The following P2RX7 variants were observed in gnomAD, a reference collection of about 807,000 sequenced individuals.
P2RX7 encodes the protein purinergic receptor P2X 7, also known as P2X purinoceptor 7.
In P2RX7, 62 loss-of-function variants were observed where a neutral mutation model predicts 71.6. The ratio of observed to expected loss-of-function variants is 0.87; its 90% CI spans 0.71 to 1.07. The LOEUF is 1.07. Among genes scored for constraint, P2RX7 ranks in the 50% least tolerant of loss-of-function variants. The probability of loss-of-function intolerance (pLI) is 0.00; values close to 1 mark genes in which losing one functional copy is unlikely to be tolerated. For missense variants in P2RX7, 686 were observed against 748.5 expected, an observed-to-expected ratio of 0.92 and a Z score of 0.97; for synonymous variants, 299 against 283.3, an observed-to-expected ratio of 1.06 and a Z score of -0.56.
chr12:121,160,818 C>T (rs1879518606), intron 3 of P2RX7, 84 bp from the exon 4 acceptor site: 4 of 1,140,984 alleles, frequency 3.5e-6, no homozygotes, highest in Non-Finnish European at 5.3e-6. Context: ...TTCGTGTGCA[C>T]ATTCTGGTGG....
chr12:121,143,081 C>CAAAA lies in P2RX7; in HGVS notation c.125+9997_125+10000dup, dbSNP rs76972263. Among the ~76,000 whole-genome samples the CAAAA allele has an allele frequency of 4.4e-3, 540 of 123,526 alleles. 5 individuals are homozygous for CAAAA. Among genetic ancestry groups the CAAAA allele is most frequent in the African/African-American group, 0.013 (421 of 33,498 alleles). The allele number at this position is 123,526 out of a possible 152,430, so 81.0% of individuals were successfully genotyped here. On this transcript the variant is annotated intron_variant, in intron 1 of 12. Transcript: ENST00000328963. ...TGGGGGACAGAGTGAGACTTCATCTCAAAAAAAAAAAAAAGATGACTGGGC... is the reference window on the plus strand; with the variant it reads ...TGGGGGACAGAGTGAGACTTCATCTCAAAAAAAAAAAAAAAAAAGATGACTGGGC...
intron 11 of P2RX7, among the ~76,000 whole-genome samples, chr12:121,179,719 C>A (rs996874799): frequency 7.9e-5 from 12 of 152,260 alleles, no homozygotes; most frequent in African/African-American, 2.2e-4. Context: ...TGCAATAGTA[C>A]AAATTTCTGG....
intron 12 of P2RX7, among the ~76,000 whole-genome samples, chr12:121,182,519 C>T (rs890458983): frequency 2.0e-5 from 3 of 152,196 alleles, no homozygotes; most frequent in African/African-American, 7.2e-5. Context: ...CAGCATGTTA[C>T]TGTACTGAAT....
chr12:121,150,003 G>A (rs140055277), intron 1 of P2RX7, among the ~76,000 whole-genome samples: 18 of 152,258 alleles, frequency 1.2e-4, no homozygotes, highest in African/African-American at 3.9e-4. Flanking sequence ...TCATGGGGAT[G>A]GGGAAGGCTG....
In P2RX7 at chr12:121,185,622, T is replaced by C. The variant is rs1232330998; in HGVS notation, c.*820T>C. 6.6e-6 allele frequency: 1 copy of C among 152,644 alleles called. No individual in the cohort carries two copies. The highest frequency in any genetic ancestry group is 1.5e-5 in the Non-Finnish European group (1 of 68,040). 9.5% of individuals were successfully genotyped at this position (152,644 alleles called of 1,614,324 possible). On this transcript the variant is annotated 3_prime_UTR_variant, in exon 13 of 13. Transcript: ENST00000328963. ...AAGGGTTTTATCTCCTCCCCTTGAA[T>C]ATGGGTGGCTCTGATTGCTTTATCC...
chr12:121,166,338 C>A (rs1881018210), intron 7 of P2RX7, 151 bp downstream of exon 7: 1 of 769,436 alleles, frequency 1.3e-6, no homozygotes, highest in Non-Finnish European at 2.1e-6. Flanking sequence ...AAGGACTTTA[C>A]CTACCATACC....
Position 121,154,950 on chromosome 12 carries a change from G to A in P2RX7, c.291G>A (p.Leu97=), listed in dbSNP as rs751355725. 4 of 1,614,152 alleles carry A rather than the reference G, an allele frequency of 2.5e-6. No homozygotes were observed. The Admixed American group carries it at 6.7e-5, about 27-fold the overall frequency. ...ACACCGCAGACTACACCTTCCCTTT[G>A]CAGGTGAGCACCTCGTAGCATTCTC... ...VFDTADYTFP[L]QGNSFFVMTN... is the part of the protein sequence containing the mutation. The change falls in exon 2 of 13, where the codon TTG becomes TTA. Residue 97 remains leucine (L), a synonymous_variant. Coordinates refer to ENST00000328963, the MANE Select transcript of P2RX7 (RefSeq NM_002562.6). The surrounding 1 kb of genome is among the most constrained non-coding windows in gnomAD (Gnocchi z 4.2).
At chr12:121,143,540 T>A (rs1875464089) in intron 1 of P2RX7, among the ~76,000 whole-genome samples, 2 of 145,484 alleles carry the variant, frequency 1.4e-5, no homozygotes, top group African/African-American at 5.1e-5. Flanking sequence ...GGCGACAGAG[T>A]GAGACCCTAT....
chr12:121,132,949 C>T lies in P2RX7; in HGVS notation c.-22C>T, dbSNP rs765891859. 33 of 1,613,120 alleles carry T rather than the reference C, an allele frequency of 2.0e-5. No individual in the cohort carries two copies. The highest frequency in any genetic ancestry group is 1.5e-4 in the South Asian group (14 of 91,074). On this transcript the variant is annotated 5_prime_UTR_variant, in exon 1 of 13. Transcript: ENST00000328963. ...AGAGTAGAGCTCTGGTCCAGCTCCGCGCAGGGAGGGAGGCTGTCACCATGC... is the reference window on the plus strand; with the variant it reads ...AGAGTAGAGCTCTGGTCCAGCTCCGTGCAGGGAGGGAGGCTGTCACCATGC...
intron 8 of P2RX7, among the ~76,000 whole-genome samples, chr12:121,172,595 C>T (rs1326829556): frequency 2.6e-5 from 4 of 152,216 alleles, no homozygotes; most frequent in African/African-American, 4.8e-5. Context: ...CAAGCCACTG[C>T]ACTCCAGCCT....
At chr12:121,138,745 C>T (rs763812058) in intron 1 of P2RX7, among the ~76,000 whole-genome samples, 1 of 152,222 alleles carries the variant, frequency 6.6e-6, no homozygotes, top group Non-Finnish European at 1.5e-5. Flanking sequence ...TGTGGAGACT[C>T]CATCAGCAAT....
chr12:121,142,307 A>G lies in P2RX7; in HGVS notation c.125+9212A>G, dbSNP rs139431200. Among the ~76,000 whole-genome samples the G allele has an allele frequency of 6.1e-3, 924 of 152,242 alleles. 6 individuals carry two copies. Among genetic ancestry groups the G allele is most frequent in the African/African-American group, 0.021 (869 of 41,534 alleles). ...AAATTCAATCCCTTGAGGCTGCAGG[A>G]CTGGGCTCTGCTCCTCACTGGCTGT... On this transcript the variant is annotated intron_variant, in intron 1 of 12. Transcript: ENST00000328963.
Position 121,184,684 on chromosome 12 carries a change from G to T in P2RX7, c.1670G>T (p.Arg557Leu). 6.3e-7 allele frequency: 1 copy of T among 1,577,220 alleles called. No homozygotes were observed. The highest frequency in any genetic ancestry group is 2.4e-5 in the East Asian group (1 of 42,400). The change falls in exon 13 of 13, where the codon CGC (arginine) becomes CTC (leucine). Residue 557 changes from arginine to leucine, a missense_variant. Transcript: ENST00000328963. ...GCCTACAGGTGCTACGCCACCTGGC[G>T]CTTCGGCTCCCAGGACATGGCTGAC... ...HCAYRCYATW[R>L]FGSQDMADFA...
chr12:121,148,881 G>A, intron 1 of P2RX7: 1 of 332,812 alleles, frequency 3.0e-6, no homozygotes, highest in Non-Finnish European at 5.9e-6. Context: ...CACAGTCCTG[G>A]CGCTACTGTT....
rs151162027 is a variant in P2RX7, at chr12:121,159,612, C to T, written c.364-1290C>T. On this transcript the variant is annotated intron_variant, in intron 3 of 12. Transcript: ENST00000328963. ...TGCACAGATGACAAAGAGCAGAGGC[C>T]ATTTTCACACCTATGTCATGTTCTG... 2.3e-3 allele frequency among the ~76,000 whole-genome samples: 355 copies of T among 152,154 alleles called. 2 individuals carry two copies. Among genetic ancestry groups the T allele is most frequent in the African/African-American group, 8.0e-3 (331 of 41,506 alleles).
intron 1 of P2RX7, among the ~76,000 whole-genome samples, chr12:121,144,393 T>C (rs1875688632): frequency 6.6e-6 from 1 of 152,216 alleles, no homozygotes; most frequent in Admixed American, 6.5e-5. Context: ...AGATGGGGTC[T>C]CACCATGTTG....
chr12:121,137,500 T>C (rs11065448), intron 1 of P2RX7, among the ~76,000 whole-genome samples: 1 of 152,362 alleles, frequency 6.6e-6, no homozygotes, highest in East Asian at 1.9e-4. Flanking sequence ...ATAACCTTCA[T>C]ATAAAAGTTT....
Position 121,167,585 on chromosome 12 carries a change from A to G in P2RX7, c.842A>G (p.Lys281Arg), listed in dbSNP as rs1341720485. 6.2e-7 allele frequency: 1 copy of G among 1,610,976 alleles called. No homozygotes were observed. Among genetic ancestry groups the G allele is most frequent in the African/African-American group, 1.3e-5 (1 of 74,752 alleles). ...PKYSFRRLDD[K>R]TTNVSLYPGY... ...TACAGTTTCCGTCGCCTTGACGACA[A>G]GACCACCAACGTGTCCTTGTACCCT... Residue 281 changes from lysine to arginine, a missense_variant, in exon 8 of 13, where the codon AAG (lysine) becomes AGG (arginine). Transcript: ENST00000328963.
At chr12:121,168,265 C>CTTTTCTTTTCTTTTCTTTTT in intron 8 of P2RX7, among the ~76,000 whole-genome samples, 1 of 148,188 alleles carries the variant, frequency 6.7e-6, no homozygotes, top group African/African-American at 2.5e-5. Context: ...GCAGTGTTTT[C>CTTTTCTTTTCTTTTCTTTTT]TTTTCTTTTC....
Sources: gnomAD v4.1 joint callset for allele counts (sites outside exome capture counted in the v4.1 genomes callset) on GRCh38, gnomAD v4.1.1 for gene constraint, Gnocchi (gnomAD v3.1) non-coding constraint, MANE v1.5 for transcripts, NCBI Gene and HGNC (gene_info 2026-07-23, HGNC 2026-07-21) for gene names.